CHD9: variants seen among roughly 807,000 people sequenced by gnomAD.
The protein encoded by CHD9 is ATP-dependent chromatin remodeler CHD9.
Under a neutral mutation model 316.1 loss-of-function variants are expected in CHD9, and 77 were observed. That is an observed-to-expected ratio of 0.24 (90% CI 0.20 to 0.29). The LOEUF is 0.29. Ranked by LOEUF, CHD9 falls within the 10% of genes least tolerant of loss-of-function variation. The pLI is 1.00. For synonymous variants in CHD9, 1,129 were observed against 1,158.3 expected, an observed-to-expected ratio of 0.97 and a Z score of 0.51; for missense variants, 2,763 against 3,438.1, an observed-to-expected ratio of 0.80 and a Z score of 4.91.
At chr16:53,143,516 T>C (rs981059811) in intron 1 of CHD9, among the ~76,000 whole-genome samples, 5 of 152,062 alleles carry the variant, frequency 3.3e-5, no homozygotes, top group African/African-American at 9.6e-5. Flanking sequence ...GCCTCCCCAG[T>C]AGCTGGAACT....
At chr16:53,153,788 C>A (rs1421250679) in intron 1 of CHD9, among the ~76,000 whole-genome samples, 1 of 152,134 alleles carries the variant, frequency 6.6e-6, no homozygotes, top group Non-Finnish European at 1.5e-5. Flanking sequence ...ATTCCTCCCA[C>A]TTCAGCCTCC....
chr16:53,055,500 C>CA (rs1555511576), intron 1 of CHD9, among the ~76,000 whole-genome samples: 6 of 151,652 alleles, frequency 4.0e-5, no homozygotes, highest in African/African-American at 1.2e-4. Context: ...CCCCGCCCCC[C>CA]CCCAGAGACT....
chr16:53,253,230 A>G (rs576833918), intron 17 of CHD9, among the ~76,000 whole-genome samples: 1 of 151,910 alleles, frequency 6.6e-6, no homozygotes, highest in African/African-American at 2.4e-5. Flanking sequence ...GTGTGTGTAT[A>G]TATATATATA....
chr16:53,158,171 T>A (rs182347306), intron 2 of CHD9, among the ~76,000 whole-genome samples: 1 of 152,328 alleles, frequency 6.6e-6, no homozygotes, highest in Non-Finnish European at 1.5e-5. Flanking sequence ...AATGCAAATA[T>A]TTTGAAAAGC....
intron 2 of CHD9, among the ~76,000 whole-genome samples, chr16:53,181,972 G>A (rs1450482399): frequency 3.3e-5 from 5 of 152,032 alleles, no homozygotes; most frequent in African/African-American, 1.2e-4. Context: ...CCCAGCTATC[G>A]GGAGGCTGAG....
chr16:53,056,996 A>G (rs1213339768), intron 1 of CHD9, among the ~76,000 whole-genome samples: 1 of 151,986 alleles, frequency 6.6e-6, no homozygotes, highest in African/African-American at 2.4e-5. Context: ...AAAATTATAC[A>G]CATTGAATAA....
rs1250227617 is a variant in CHD9, at chr16:53,307,841, G to A, written c.6941G>A (p.Ser2314Asn). ...PGAATEYSDP[S>N]VPTPPGAGVK... The stretch of plus-strand genomic sequence containing the variant: ...GCAGCTACAGAATACAGCGATCCCA[G>A]TGTACCCACTCCCCCAGGTGCCGGT... Residue 2314 changes from serine (S) to asparagine (N), a missense_variant, in exon 33 of 39, where the codon AGT becomes AAT. By Grantham distance (46) the Ser-to-Asn change is conservative. Transcript: ENST00000447540. The A allele has an allele frequency of 1.2e-6, 2 of 1,613,692 alleles. No homozygotes were observed. Among genetic ancestry groups the A allele is most frequent in the African/African-American group, 2.7e-5 (2 of 74,942 alleles).
chr16:53,224,067 A>G (rs998682451), intron 4 of CHD9, among the ~76,000 whole-genome samples: 5 of 152,198 alleles, frequency 3.3e-5, no homozygotes, highest in African/African-American at 1.2e-4. Context: ...AAAGAAGTGC[A>G]ATGTTAAAAT....
intron 24 of CHD9, among the ~76,000 whole-genome samples, chr16:53,279,548 C>T (rs2053210683): frequency 6.6e-6 from 1 of 152,066 alleles, no homozygotes; most frequent in Non-Finnish European, 1.5e-5. Context: ...GGACTTAAAT[C>T]TAAGACCTGA....
In CHD9 at chr16:53,141,331, C is replaced by G. The variant is rs188303529; in HGVS notation, c.-164-14595C>G. The stretch of plus-strand genomic sequence containing the variant: ...CATTCTGGTTCCAGAGCCTGTAAAA[C>G]TGTGCTATAGGATCCCTTGTAGAAT... On this transcript the variant is annotated intron_variant, in intron 1 of 38. Coordinates refer to ENST00000447540, the MANE Select transcript of CHD9 (RefSeq NM_001308319.2). Among the ~76,000 whole-genome samples the G allele has an allele frequency of 5.2e-3, 790 of 152,240 alleles. 6 individuals are homozygous for G. The highest frequency in any genetic ancestry group is 0.013 in the South Asian group (62 of 4,824).
intron 30 of CHD9, chr16:53,298,983 C>A (rs182078038): frequency 6.3e-6 from 1 of 159,160 alleles, no homozygotes; most frequent in African/African-American, 2.4e-5. Flanking sequence ...TCAAATCACA[C>A]CTTGATTATG....
At position 53,122,935 on chromosome 16, in the gene CHD9, T is replaced by C. The variant is rs191256821; in HGVS notation, c.-164-32991T>C. Among the ~76,000 whole-genome samples, 788 of 151,136 alleles carry C rather than the reference T, an allele frequency of 5.2e-3. 7 individuals are homozygous for C. Among genetic ancestry groups the C allele is most frequent in the African/African-American group, 0.017 (708 of 41,090 alleles). On this transcript the variant is annotated intron_variant, in intron 1 of 38. Coordinates refer to ENST00000447540, the MANE Select transcript of CHD9 (RefSeq NM_001308319.2). ...GGTTTCACTGTGTTAGCCAGGATGG[T>C]CTTGATCTCCTGACCTCGTGATCCA... is the stretch of plus-strand genomic sequence containing the variant.
chr16:53,303,949 A>T lies in CHD9; in HGVS notation c.5943A>T (p.Arg1981=), dbSNP rs767925524. Reference sequence around the variant, plus strand: ...GTGCTGCCAAACACGGGGTGAGCCGAACAGACTATCACATTCTTCGTGATC... The same window carrying T: ...GTGCTGCCAAACACGGGGTGAGCCGTACAGACTATCACATTCTTCGTGATC... ...LIGAAKHGVS[R]TDYHILRDPE... Residue 1981 remains arginine, a synonymous_variant, in exon 31 of 39, where the codon CGA becomes CGT. Transcript: ENST00000447540. 1.4e-5 allele frequency: 23 copies of T among 1,614,030 alleles called. No homozygotes were observed. In the South Asian group the frequency reaches 2.3e-4, roughly 16 times the overall value.
chr16:53,238,231 T>C, intron 11 of CHD9, 112 bp from the exon 12 acceptor site: 2 of 1,060,090 alleles, frequency 1.9e-6, no homozygotes, highest in Non-Finnish European at 2.6e-6. Flanking sequence ...AACTTTTACA[T>C]TTTTATAAAT....
chr16:53,141,105 A>G (rs2040073423), intron 1 of CHD9, among the ~76,000 whole-genome samples: 1 of 152,252 alleles, frequency 6.6e-6, no homozygotes, highest in Non-Finnish European at 1.5e-5. Context: ...TTGTAAAATG[A>G]AAGCAAAATA....
intron 2 of CHD9, among the ~76,000 whole-genome samples, chr16:53,181,041 G>T (rs140569309): frequency 6.9e-6 from 1 of 145,114 alleles, no homozygotes; most frequent in Non-Finnish European, 1.5e-5. Flanking sequence ...ACAGAGTTTC[G>T]CTGTTGTTGC....
At chr16:53,183,237 T>C (rs1055931225) in intron 2 of CHD9, among the ~76,000 whole-genome samples, 3 of 152,102 alleles carry the variant, frequency 2.0e-5, no homozygotes, top group African/African-American at 7.2e-5. Context: ...TTTGTTTCTT[T>C]CCTTTTTTTA....
Position 53,238,385 on chromosome 16 carries a change from T to C in CHD9, c.2676T>C (p.Thr892=). The C allele has an allele frequency of 1.9e-6, 3 of 1,613,028 alleles. No individual in the cohort carries two copies. Among genetic ancestry groups the C allele is most frequent in the Non-Finnish European group, 1.7e-6 (2 of 1,179,284 alleles). The change falls in exon 12 of 39, where the codon ACT becomes ACC. Residue 892 remains threonine, a synonymous_variant. Transcript: ENST00000447540. ...CAGATGAAATGGGTCTTGGCAAAAC[T>C]ATTCAATCAATTACATTCCTCTATG... The part of the protein sequence containing the change: ...ILADEMGLGK[T]IQSITFLYEI...
At chr16:53,161,459 A>G (rs757659859) in intron 2 of CHD9, among the ~76,000 whole-genome samples, 28 of 152,292 alleles carry the variant, frequency 1.8e-4, no homozygotes, top group Admixed American at 3.9e-4. Context: ...CTATGGAAAG[A>G]AATTTTTTTC....
Sources: gnomAD v4.1 joint callset for allele counts (sites outside exome capture counted in the v4.1 genomes callset) on GRCh38, gnomAD v4.1.1 for gene constraint, MANE v1.5 for transcripts, NCBI Gene and HGNC (gene_info 2026-07-23, HGNC 2026-07-21) for gene names.